The following APBA1 variants were observed in gnomAD, a reference collection of about 807,000 sequenced individuals.
APBA1 encodes the protein amyloid beta precursor protein binding family A member 1, also known as amyloid-beta A4 precursor protein-binding family A member 1.
Under a neutral mutation model 86.6 loss-of-function variants are expected in APBA1, and 55 were observed. The ratio of observed to expected loss-of-function variants is 0.64; its 90% CI spans 0.51 to 0.80. The LOEUF (loss-of-function observed/expected upper bound fraction) is 0.80. Among genes scored for constraint, APBA1 ranks in the 30% least tolerant of loss-of-function variants. The probability of loss-of-function intolerance (pLI) is 0.00; values close to 1 mark genes in which losing one functional copy is unlikely to be tolerated. For synonymous variants in APBA1, 511 were observed against 493.9 expected (o/e 1.03, Z -0.46); for missense variants, 1,090 against 1,183.0 (o/e 0.92, Z 1.15).
chr9:69,610,309 C>T (rs547509588), intron 1 of APBA1, among the ~76,000 whole-genome samples: 4 of 152,148 alleles, frequency 2.6e-5, no homozygotes, highest in African/African-American at 4.8e-5. Flanking sequence ...GACAGAGTAA[C>T]ACTCTGTCTC....
intron 1 of APBA1, among the ~76,000 whole-genome samples, chr9:69,577,057 T>C (rs914541489): frequency 6.6e-6 from 1 of 152,210 alleles, no homozygotes; most frequent in Non-Finnish European, 1.5e-5. Context: ...TTGATATGTA[T>C]AAAGTATAGT....
chr9:69,452,056 T>G, intron 9 of APBA1, 66 bp downstream of exon 9: 14 of 1,460,120 alleles, frequency 9.6e-6, no homozygotes, highest in Middle Eastern at 1.8e-4. Flanking sequence ...CGCGGCAGGG[T>G]GCCCCACTTT....
At chr9:69,562,380 CTT>C (rs11393335) in intron 1 of APBA1, among the ~76,000 whole-genome samples, 1 of 145,000 alleles carries the variant, frequency 6.9e-6, no homozygotes, top group Non-Finnish European at 1.5e-5. Context: ...CTTTTCTTTT[CTT>C]TTTTTTTTTT....
intron 1 of APBA1, among the ~76,000 whole-genome samples, chr9:69,596,281 C>G: frequency 6.6e-6 from 1 of 152,160 alleles, no homozygotes; most frequent in Non-Finnish European, 1.5e-5. Flanking sequence ...GCCACTGTGC[C>G]TGGCACTTTT....
chr9:69,591,480 T>C lies in APBA1; in HGVS notation c.-69-74201A>G, dbSNP rs114957556. Among the ~76,000 whole-genome samples, 903 of 152,326 alleles carry C rather than the reference T, an allele frequency of 5.9e-3. 10 individuals carry two copies. The highest frequency in any genetic ancestry group is 0.021 in the African/African-American group (855 of 41,566). The stretch of plus-strand genomic sequence containing the variant: ...TCAACATAGAAGCTTGTCAACAATA[T>C]GAAGGGAACCAAAATTCCCTTCAAA... On this transcript the variant is annotated intron_variant, in intron 1 of 12. Coordinates refer to ENST00000265381, the MANE Select transcript of APBA1 (RefSeq NM_001163.4).
intron 2 of APBA1, 54 bp from the exon 3 acceptor site, chr9:69,476,197 T>C: frequency 2.2e-6 from 3 of 1,350,562 alleles, no homozygotes; most frequent in African/African-American, 1.4e-5. Context: ...CGGCAGACAC[T>C]TGGCTGGGGG....
intron 1 of APBA1, among the ~76,000 whole-genome samples, chr9:69,543,276 T>C (rs1344523065): frequency 1.2e-4 from 17 of 145,290 alleles, no homozygotes; most frequent in African/African-American, 3.4e-4. Flanking sequence ...TGCTGGGATT[T>C]CCCCCCCCCC....
intron 9 of APBA1, among the ~76,000 whole-genome samples, chr9:69,451,597 G>A (rs1835010435): frequency 6.6e-6 from 1 of 151,936 alleles, no homozygotes; most frequent in Admixed American, 6.5e-5. Flanking sequence ...CCCCACCCTC[G>A]GCTTGCCCCT....
intron 5 of APBA1, 136 bp downstream of exon 5, chr9:69,467,686 TG>T: frequency 8.4e-7 from 1 of 1,190,300 alleles, no homozygotes; most frequent in African/African-American, 1.5e-5. Context: ...AGCAGGCACA[TG>T]GATAAGCACT....
chr9:69,577,272 C>T (rs1821821736), intron 1 of APBA1, among the ~76,000 whole-genome samples: 1 of 152,138 alleles, frequency 6.6e-6, no homozygotes, highest in African/African-American at 2.4e-5. Context: ...AAATAATCAA[C>T]TTGGTCTATG....
At chr9:69,457,789 C>G (rs1835123531) in intron 6 of APBA1, among the ~76,000 whole-genome samples, 1 of 152,120 alleles carries the variant, frequency 6.6e-6, no homozygotes, top group African/African-American at 2.4e-5. Context: ...AGCGAGTTTT[C>G]TTTTTTGCAT....
chr9:69,548,112 T>C (rs540663287), intron 1 of APBA1, among the ~76,000 whole-genome samples: 3 of 152,270 alleles, frequency 2.0e-5, no homozygotes, highest in East Asian at 3.9e-4. Context: ...AGAGGAAAGA[T>C]TCAAAACATG....
intron 1 of APBA1, among the ~76,000 whole-genome samples, chr9:69,613,366 G>A (rs534883252): frequency 8.6e-5 from 13 of 151,954 alleles, no homozygotes; most frequent in Non-Finnish European, 1.2e-4. Flanking sequence ...TTTTTCCTAA[G>A]CCATTTAATT....
chr9:69,532,421 G>A (rs1836448221), intron 1 of APBA1, among the ~76,000 whole-genome samples: 1 of 152,192 alleles, frequency 6.6e-6, no homozygotes, highest in East Asian at 1.9e-4. Context: ...GTGGGTGGCA[G>A]GAACCTGACT....
intron 1 of APBA1, among the ~76,000 whole-genome samples, chr9:69,661,009 T>C (rs1037048237): frequency 2.0e-5 from 3 of 152,252 alleles, no homozygotes; most frequent in African/African-American, 7.2e-5. Flanking sequence ...GAGCTGAGAA[T>C]GTTTTTTATG....
At chr9:69,470,761 G>A (rs943921248) in intron 4 of APBA1, among the ~76,000 whole-genome samples, 1 of 152,178 alleles carries the variant, frequency 6.6e-6, no homozygotes, top group Non-Finnish European at 1.5e-5. Context: ...AGGAAATGGC[G>A]ATGCACCCAG....
At position 69,455,328 on chromosome 9, in the gene APBA1, T is replaced by C. The variant is rs185596540; in HGVS notation, c.1788+919A>G. On this transcript the variant is annotated intron_variant, in intron 8 of 12. Transcript: ENST00000265381. ...GGGTGAGTTTTCTGCTATTAAAAAT[T>C]ACTATAGGGCTGTGGCCTCCCCTGG... is the stretch of plus-strand genomic sequence containing the variant. 5.9e-5 allele frequency among the ~76,000 whole-genome samples: 9 copies of C among 152,160 alleles called. No homozygotes were observed. In the East Asian group the frequency reaches 1.7e-3, roughly 29 times the overall value.
chr9:69,517,264 A>G lies in APBA1; in HGVS notation c.-54T>C, dbSNP rs1360800790. On this transcript the variant is annotated 5_prime_UTR_variant, in exon 2 of 13. It removes an upstream start codon present in the reference 5' UTR. Coordinates refer to ENST00000265381, the MANE Select transcript of APBA1 (RefSeq NM_001163.4). ...GCTGGGCCCGGCTCACTGCGCTCTCATTTTGCTCCACTGGGCTGGAAAAAC... is the reference window on the plus strand; with the variant it reads ...GCTGGGCCCGGCTCACTGCGCTCTCGTTTTGCTCCACTGGGCTGGAAAAAC... 1.4e-6 allele frequency: 2 copies of G among 1,412,490 alleles called. No homozygotes were observed. Among genetic ancestry groups the G allele is most frequent in the Non-Finnish European group, 1.8e-6 (2 of 1,086,322 alleles). The allele number at this position is 1,412,490 out of a possible 1,614,324, so 87.5% of individuals were successfully genotyped here.
chr9:69,613,407 C>A (rs1822632269), intron 1 of APBA1, among the ~76,000 whole-genome samples: 1 of 152,076 alleles, frequency 6.6e-6, no homozygotes, highest in African/African-American at 2.4e-5. Context: ...ATGCTATCTT[C>A]TTCATTTAAA....
Sources: allele counts gnomAD v4.1 joint callset (sites outside exome capture counted in the v4.1 genomes callset), GRCh38; gene constraint gnomAD v4.1.1; transcripts MANE v1.5; gene names NCBI Gene and HGNC (gene_info 2026-07-23, HGNC 2026-07-21).